The following RIC8B variants were observed in gnomAD, a reference collection of about 807,000 sequenced individuals.
RIC8B encodes the protein RIC8 guanine nucleotide exchange factor B, also known as chaperone Ric-8B.
Under a neutral mutation model 57.5 loss-of-function variants are expected in RIC8B, and 16 were observed. The ratio of observed to expected loss-of-function variants is 0.28; its 90% confidence interval spans 0.19 to 0.42. The LOEUF (loss-of-function observed/expected upper bound fraction) is 0.42. Among genes scored for constraint, RIC8B ranks in the 10% least tolerant of loss-of-function variants. The pLI, the probability that RIC8B is intolerant of heterozygous loss-of-function variation, is 1.00. For missense variants in RIC8B, 481 were observed against 677.0 expected, an observed-to-expected ratio of 0.71 and a Z score of 3.21; for synonymous variants, 216 against 250.8, an observed-to-expected ratio of 0.86 and a Z score of 1.31.
At chr12:106,836,872 A>C (rs745660038) in intron 4 of RIC8B, among the ~76,000 whole-genome samples, 1 of 151,816 alleles carries the variant, frequency 6.6e-6, no homozygotes, top group Non-Finnish European at 1.5e-5. Context: ...GTCATATCCT[A>C]CTCCTCTTAT....
In RIC8B at chr12:106,860,289, CT is replaced by C; in HGVS notation, c.1329del (p.Gly444AlafsTer49). ...KERVDSLLKY[T>X]GYGNAAGLLA... ...GCAGTGGATAGTCTGCTGAAATACACTGGCTATGGGAATGCTGCAGGACTGT... is the reference window on the plus strand; with the variant it reads ...GCAGTGGATAGTCTGCTGAAATACACGGCTATGGGAATGCTGCAGGACTGT... On this transcript the variant is annotated frameshift_variant, in exon 8 of 10. Coordinates refer to ENST00000392837, the MANE Select transcript of RIC8B (RefSeq NM_001330145.2). LOFTEE classifies it high-confidence loss of function. 2 of 1,594,932 alleles carry C rather than the reference CT, an allele frequency of 1.3e-6. No individual in the cohort carries two copies. The highest frequency in any genetic ancestry group is 1.1e-5 in the South Asian group (1 of 87,920).
At chr12:106,810,185 A>G (rs1324057982) in intron 2 of RIC8B, among the ~76,000 whole-genome samples, 1 of 144,840 alleles carries the variant, frequency 6.9e-6, no homozygotes, top group African/African-American at 2.5e-5. Context: ...CTCCCACCTC[A>G]GCCTCCTAAA....
intron 7 of RIC8B, among the ~76,000 whole-genome samples, chr12:106,851,914 G>A (rs1010216712): frequency 3.3e-5 from 5 of 152,188 alleles, no homozygotes; most frequent in African/African-American, 4.8e-5. Context: ...GTAATTCAGC[G>A]GCTACTATTT....
Position 106,886,020 on chromosome 12 carries a change from A to G in RIC8B, c.*5A>G, listed in dbSNP as rs1386232899. 1.9e-6 allele frequency: 3 copies of G among 1,577,870 alleles called. No homozygotes were observed. The African/African-American group carries it at 4.0e-5, about 21-fold the overall frequency. ...ACCAGCTCTGACACAGACTAAAAGCATCACCTGCTCAACTCTCAATATTGC... is the reference window on the plus strand; with the variant it reads ...ACCAGCTCTGACACAGACTAAAAGCGTCACCTGCTCAACTCTCAATATTGC... On this transcript the variant is annotated 3_prime_UTR_variant, in exon 10 of 10. Transcript: ENST00000392837.
intron 4 of RIC8B, among the ~76,000 whole-genome samples, chr12:106,835,404 C>T (rs2046552645): frequency 6.6e-6 from 1 of 152,196 alleles, no homozygotes; most frequent in Non-Finnish European, 1.5e-5. Context: ...GCTATTCCCT[C>T]TTATAGTGGA....
At chr12:106,800,379 T>C (rs1039753151) in intron 2 of RIC8B, among the ~76,000 whole-genome samples, 2 of 151,988 alleles carry the variant, frequency 1.3e-5, no homozygotes, top group East Asian at 3.9e-4. Context: ...GGGGAGATGC[T>C]ACACACTTTT....
intron 9 of RIC8B, chr12:106,874,379 T>G: frequency 1.1e-6 from 1 of 885,928 alleles, no homozygotes; most frequent in Non-Finnish European, 1.8e-6. Flanking sequence ...ATGAAATGGT[T>G]TTCTCCTGCA....
chr12:106,853,453 C>CTTTTTTTTTTTTTTTTTTT lies in RIC8B; in HGVS notation c.1306+1874_1306+1892dup, dbSNP rs758876525. ...GACCTCAACAATTCTGCTTTATAGT[C>CTTTTTTTTTTTTTTTTTTT]TTTTTTTTTTTTTTTTTTTTTTTTT... On this transcript the variant is annotated intron_variant, in intron 7 of 9. Coordinates refer to ENST00000392837, the MANE Select transcript of RIC8B (RefSeq NM_001330145.2). Among the ~76,000 whole-genome samples the CTTTTTTTTTTTTTTTTTTT allele has an allele frequency of 1.6e-3, 61 of 38,034 alleles. 15 individuals are homozygous for CTTTTTTTTTTTTTTTTTTT. The highest frequency in any genetic ancestry group is 2.4e-3 in the East Asian group (2 of 834). The allele number at this position is 38,034 out of a possible 152,430, so 25.0% of individuals were successfully genotyped here. A position where few individuals can be genotyped will look rare whatever the true frequency, so the allele number is the denominator to read the frequency against.
At chr12:106,869,810 G>A (rs550656516) in intron 8 of RIC8B, among the ~76,000 whole-genome samples, 79 of 152,200 alleles carry the variant, frequency 5.2e-4, no homozygotes, top group African/African-American at 1.8e-3. Context: ...GTGGTGACAC[G>A]TGCCTGTAAT....
At chr12:106,842,960 G>A in intron 5 of RIC8B, 143 bp downstream of exon 5, 1 of 541,686 alleles carries the variant, frequency 1.8e-6, no homozygotes. Flanking sequence ...TTTTTACTTT[G>A]GAAAGCAGTT....
intron 7 of RIC8B, among the ~76,000 whole-genome samples, chr12:106,851,907 A>T (rs1458772693): frequency 2.0e-5 from 3 of 152,176 alleles, no homozygotes. Flanking sequence ...TGGTTCAGTA[A>T]TTCAGCGGCT....
In RIC8B at chr12:106,847,367, A is replaced by G. The variant is rs74748107; in HGVS notation, c.1161+3420A>G. 3.3e-3 allele frequency among the ~76,000 whole-genome samples: 505 copies of G among 152,336 alleles called. 7 individuals carry two copies. Among genetic ancestry groups the G allele is most frequent in the African/African-American group, 0.012 (485 of 41,572 alleles). ...AATTTTTACATGATAACCTTTGTTC[A>G]TAGATTCTGTACTCGAGGTACTATA... On this transcript the variant is annotated intron_variant, in intron 6 of 9. Coordinates refer to ENST00000392837, the MANE Select transcript of RIC8B (RefSeq NM_001330145.2).
intron 6 of RIC8B, among the ~76,000 whole-genome samples, chr12:106,848,640 A>G (rs568117182): frequency 6.6e-6 from 1 of 152,314 alleles, no homozygotes; most frequent in African/African-American, 2.4e-5. Context: ...ATGGATAGAT[A>G]TTAAAGAGAG....
intron 9 of RIC8B, among the ~76,000 whole-genome samples, chr12:106,874,026 A>G (rs1950560244): frequency 6.6e-6 from 1 of 152,238 alleles, no homozygotes; most frequent in African/African-American, 2.4e-5. Context: ...GGAAGCAAGT[A>G]CCAAAGAATT....
intron 2 of RIC8B, among the ~76,000 whole-genome samples, chr12:106,788,872 A>G (rs1191383578): frequency 6.6e-6 from 1 of 152,172 alleles, no homozygotes; most frequent in African/African-American, 2.4e-5. Flanking sequence ...GGGGATTAAC[A>G]TTTGGCTCCT....
At chr12:106,805,663 A>G (rs964918554) in intron 2 of RIC8B, among the ~76,000 whole-genome samples, 5 of 152,190 alleles carry the variant, frequency 3.3e-5, no homozygotes, top group Non-Finnish European at 7.3e-5. Flanking sequence ...ACATCAGAGT[A>G]ATATTTCCAA....
At chr12:106,848,688 T>C (rs1193098700) in intron 6 of RIC8B, among the ~76,000 whole-genome samples, 9 of 152,030 alleles carry the variant, frequency 5.9e-5, no homozygotes, top group Non-Finnish European at 1.0e-4. Context: ...TACCAAGCAA[T>C]TGGGAGAATG....
At position 106,838,986 on chromosome 12, in the gene RIC8B, C is replaced by CAA. The variant is rs78368727; in HGVS notation, c.837-3588_837-3587dup. On this transcript the variant is annotated intron_variant, in intron 4 of 9. Transcript: ENST00000392837. ...TCATACCTTGTTAGAAGGGTTATTC[C>CAA]AAAAAAAAAAAAAAAACCTCAAAAA... 4.1e-4 allele frequency among the ~76,000 whole-genome samples: 42 copies of CAA among 103,248 alleles called. 1 individual carries two copies. The East Asian group carries it at 9.6e-3, about 24-fold the overall frequency. The allele number at this position is 103,248 out of a possible 152,430, so 67.7% of individuals were successfully genotyped here. A position where few individuals can be genotyped will look rare whatever the true frequency, so the allele number is the denominator to read the frequency against.
rs112080143 is a variant in RIC8B, at chr12:106,828,139, G to A, written c.836+2319G>A. 2.6e-5 allele frequency among the ~76,000 whole-genome samples: 4 copies of A among 152,090 alleles called. 1 individual carries two copies. Among genetic ancestry groups the A allele is most frequent in the Admixed American group, 6.6e-5 (1 of 15,264 alleles). On this transcript the variant is annotated intron_variant, in intron 4 of 9. Coordinates refer to ENST00000392837, the MANE Select transcript of RIC8B (RefSeq NM_001330145.2). ...AAAGTTATTTTGATAAAAACCTATC[G>A]GCTTCACTGTAAATAAGGAGCATGC...
Sources: gnomAD v4.1 joint callset for allele counts (sites outside exome capture counted in the v4.1 genomes callset) on GRCh38, gnomAD v4.1.1 for gene constraint, MANE v1.5 for transcripts, NCBI Gene and HGNC (gene_info 2026-07-23, HGNC 2026-07-21) for gene names.